Variants in ITPRID1 observed in about 807,000 individuals in gnomAD.
The protein encoded by ITPRID1 is ITPR interacting domain containing 1.
In ITPRID1, 96 loss-of-function variants were observed where a neutral mutation model predicts 95.4. The ratio of observed to expected loss-of-function variants is 1.01; its 90% CI spans 0.85 to 1.19. ITPRID1 has a LOEUF of 1.19. Among genes scored for constraint, ITPRID1 ranks in the 50% most tolerant of loss-of-function variants. ITPRID1 has a pLI of 0.00. For synonymous variants in ITPRID1, 510 were observed against 453.6 expected, an observed-to-expected ratio of 1.12 and a Z score of -1.58; for missense variants, 1,339 against 1,252.9, an observed-to-expected ratio of 1.07 and a Z score of -1.04.
intron 8 of ITPRID1, among the ~76,000 whole-genome samples, chr7:31,576,783 T>C (rs1033451679): frequency 2.4e-4 from 37 of 152,238 alleles, no homozygotes; most frequent in African/African-American, 8.9e-4. Flanking sequence ...TGCCCACTTA[T>C]GTGGTCCTTG....
intron 10 of ITPRID1, among the ~76,000 whole-genome samples, chr7:31,606,338 A>C (rs1336123023): frequency 1.3e-5 from 2 of 152,188 alleles, no homozygotes; most frequent in African/African-American, 2.4e-5. Flanking sequence ...ATGTTTGTTC[A>C]ATGGGAGAAT....
Position 31,578,422 on chromosome 7 carries a change from T to G in ITPRID1, c.1158T>G (p.Phe386Leu), listed in dbSNP as rs1377733783. The G allele has an allele frequency of 6.2e-7, 1 of 1,604,978 alleles. No homozygotes were observed. Among genetic ancestry groups the G allele is most frequent in the Non-Finnish European group, 8.5e-7 (1 of 1,175,370 alleles). The change falls in exon 9 of 15, where the codon TTT (phenylalanine) becomes TTG (leucine). Residue 386 changes from phenylalanine to leucine, a missense_variant. Physicochemically the swap from Phe to Leu is conservative, Grantham distance 22. Coordinates refer to ENST00000615280, the MANE Select transcript of ITPRID1 (RefSeq NM_001257967.3). ...SHLAGKGPDS[F>L]EMEEVQSFEE... ...TTGCAGGCAAAGGACCAGACTCATT[T>G]GAAATGGAAGAGGTCAGTGCTGCAC...
intron 10 of ITPRID1, among the ~76,000 whole-genome samples, chr7:31,613,474 G>T (rs953918005): frequency 4.6e-5 from 7 of 151,970 alleles, no homozygotes; most frequent in South Asian, 2.1e-4. Context: ...AAACCAATTT[G>T]CTTACTGTAG....
At chr7:31,650,884 C>T (rs1285576143) in intron 12 of ITPRID1, among the ~76,000 whole-genome samples, 1 of 152,182 alleles carries the variant, frequency 6.6e-6, no homozygotes, top group Non-Finnish European at 1.5e-5. Flanking sequence ...CTCCAGACTG[C>T]CTTCCAGCCT....
At chr7:31,567,181 T>A (rs1238593892) in intron 5 of ITPRID1, among the ~76,000 whole-genome samples, 1 of 152,220 alleles carries the variant, frequency 6.6e-6, no homozygotes, top group East Asian at 1.9e-4. Context: ...AAATGTCACA[T>A]GGAAAATTTT....
downstream of ITPRID1, chr7:31,656,573 G>A (rs879218311): frequency 4.3e-6 from 3 of 696,502 alleles, no homozygotes; most frequent in Admixed American, 6.3e-5. Context: ...ATTACCTACC[G>A]CTTGATGAAT....
At chr7:31,518,888 ATCT>A (rs1337882297) in intron 1 of ITPRID1, among the ~76,000 whole-genome samples, 1 of 152,336 alleles carries the variant, frequency 6.6e-6, no homozygotes, top group African/African-American at 2.4e-5. Flanking sequence ...CTGAATCTTA[ATCT>A]TCTATCAGAT....
At chr7:31,522,580 A>G (rs558619557) in intron 1 of ITPRID1, among the ~76,000 whole-genome samples, 47 of 152,302 alleles carry the variant, frequency 3.1e-4, no homozygotes, top group Non-Finnish European at 5.3e-4. Flanking sequence ...GGACAGATGC[A>G]TTCTTTCGAG....
At chr7:31,565,739 A>AAAAAATAAAAAAT (rs55641468) in intron 5 of ITPRID1, among the ~76,000 whole-genome samples, 74,769 of 150,164 alleles carry the variant, frequency 0.5, 18,801 homozygotes, top group East Asian at 0.61. Context: ...CTCCATCTCA[A>AAAAAATAAAAAAT]AAAAATAAAA....
chr7:31,576,158 G>A (rs1055930074), intron 8 of ITPRID1, among the ~76,000 whole-genome samples: 3 of 152,082 alleles, frequency 2.0e-5, no homozygotes, highest in Non-Finnish European at 2.9e-5. Context: ...GTGATCCCTG[G>A]TGCACTCTAA....
chr7:31,645,764 G>T (rs1435290412), intron 12 of ITPRID1, among the ~76,000 whole-genome samples: 1 of 152,124 alleles, frequency 6.6e-6, no homozygotes, highest in Non-Finnish European at 1.5e-5. Flanking sequence ...CGGGAGGGGG[G>T]TGGTTGCTAC....
chr7:31,570,619 T>G (rs1562576721), intron 6 of ITPRID1, among the ~76,000 whole-genome samples: 1 of 152,194 alleles, frequency 6.6e-6, no homozygotes, highest in Non-Finnish European at 1.5e-5. Flanking sequence ...TTTTGCTACT[T>G]ATAGAATCAT....
chr7:31,601,595 T>C (rs1786395150), intron 10 of ITPRID1, among the ~76,000 whole-genome samples: 1 of 152,162 alleles, frequency 6.6e-6, no homozygotes, highest in Non-Finnish European at 1.5e-5. Flanking sequence ...AGATACTGAT[T>C]TCTGTAGTAA....
At chr7:31,547,659 T>A (rs1418478818) in intron 1 of ITPRID1, among the ~76,000 whole-genome samples, 2 of 152,088 alleles carry the variant, frequency 1.3e-5, no homozygotes, top group Non-Finnish European at 2.9e-5. Flanking sequence ...TTTTTTTTAG[T>A]GCTTTAATGT....
intron 5 of ITPRID1, among the ~76,000 whole-genome samples, chr7:31,566,781 CA>C (rs1784816124): frequency 6.6e-6 from 1 of 152,046 alleles, no homozygotes; most frequent in African/African-American, 2.4e-5. Context: ...AATCAATTGG[CA>C]GTGGTTTTAT....
At position 31,643,154 on chromosome 7, in the gene ITPRID1, A is replaced by G; in HGVS notation, c.1784A>G (p.Glu595Gly). Residue 595 changes from glutamate to glycine, a missense_variant, in exon 12 of 15, where the codon GAG becomes GGG. Glu to Gly is a moderately conservative substitution (Grantham distance 98). Transcript: ENST00000615280. Reference sequence around the variant, plus strand: ...GGCAAAGTGCAAAGCCACCACAATGAGTCTCAAAGGTCACCTGGAAATGAT... The same window carrying G: ...GGCAAAGTGCAAAGCCACCACAATGGGTCTCAAAGGTCACCTGGAAATGAT... ...GAGKVQSHHN[E>G]SQRSPGNDHT... The G allele has an allele frequency of 3.1e-6, 5 of 1,613,972 alleles. No homozygotes were observed. Among genetic ancestry groups the G allele is most frequent in the Non-Finnish European group, 3.4e-6 (4 of 1,179,890 alleles).
intron 10 of ITPRID1, among the ~76,000 whole-genome samples, chr7:31,609,689 T>C (rs1230315544): frequency 2.6e-5 from 4 of 151,518 alleles, no homozygotes; most frequent in Non-Finnish European, 5.9e-5. Context: ...TTTTTCTTTA[T>C]CATTCTAGCT....
chr7:31,629,638 G>T (rs978426068), intron 10 of ITPRID1, among the ~76,000 whole-genome samples: 2 of 152,178 alleles, frequency 1.3e-5, no homozygotes, highest in Non-Finnish European at 2.9e-5. Flanking sequence ...GTCAGACCAT[G>T]GGTCCATAGA....
Position 31,572,096 on chromosome 7 carries a change from C to A in ITPRID1, c.309-6C>A. ...CATCTCATTGTTGATATTTTCCCAA[C>A]TGTAGATCTTTGCATCAGTTTTCAG... On this transcript the variant is annotated splice_region_variant and splice_polypyrimidine_tract_variant and intron_variant, in intron 6 of 14. Transcript: ENST00000615280. 1 of 1,589,316 alleles carries A rather than the reference C, an allele frequency of 6.3e-7. No individual in the cohort carries two copies. Among genetic ancestry groups the A allele is most frequent in the Non-Finnish European group, 8.6e-7 (1 of 1,158,874 alleles).
Sources: allele counts gnomAD v4.1 joint callset (sites outside exome capture counted in the v4.1 genomes callset), GRCh38; gene constraint gnomAD v4.1.1; transcripts MANE v1.5; gene names NCBI Gene and HGNC (gene_info 2026-07-23, HGNC 2026-07-21).